STK10: variants seen among roughly 807,000 people sequenced by gnomAD.
STK10 encodes serine/threonine kinase 10, also known as serine/threonine-protein kinase 10.
In STK10, 78 loss-of-function variants were observed where a neutral mutation model predicts 113.8. The observed-to-expected ratio is 0.69, with a 90% CI of 0.57 to 0.83. The LOEUF (loss-of-function observed/expected upper bound fraction) is 0.83. Ranked by LOEUF, STK10 falls within the 40% of genes least tolerant of loss-of-function variation. The pLI is 0.00. For synonymous variants in STK10, 465 were observed against 494.7 expected (o/e 0.94, Z 0.80); for missense variants, 1,109 against 1,280.1 (o/e 0.87, Z 2.04).
Position 172,068,063 on chromosome 5 carries a change from G to C in STK10, c.1990-3251C>G, listed in dbSNP as rs944902442. On this transcript the variant is annotated intron_variant, in intron 12 of 18. Coordinates refer to ENST00000176763, the MANE Select transcript of STK10 (RefSeq NM_005990.4). ...TCCTTAAAGTGCTGAAAGAAGGGCC[G>C]GGCGCGGTGGCTCACGCCTGTAATC... is the stretch of plus-strand genomic sequence containing the variant. Among the ~76,000 whole-genome samples the C allele has an allele frequency of 2.0e-5, 3 of 152,194 alleles. No individual in the cohort carries two copies. In the South Asian group the frequency reaches 6.2e-4, roughly 31 times the overall value.
rs1769490542 is a variant in STK10, at chr5:172,120,584, T to A, written c.371-2954A>T. The stretch of plus-strand genomic sequence containing the variant: ...CAGGTGCTGCCTCTCACTAGCTGTG[T>A]GGTTACTGGCAAGTCGCCCAAGCTC... On this transcript the variant is annotated intron_variant, in intron 3 of 18. Transcript: ENST00000176763. The surrounding 1 kb of genome is among the most constrained non-coding windows in gnomAD (Gnocchi z 4.0). Among the ~76,000 whole-genome samples, 1 of 152,158 alleles carries A rather than the reference T, an allele frequency of 6.6e-6. No homozygotes were observed. Among genetic ancestry groups the A allele is most frequent in the South Asian group, 2.1e-4 (1 of 4,832 alleles).
At chr5:172,143,447 C>A (rs1193257503) in intron 2 of STK10, among the ~76,000 whole-genome samples, 1 of 152,204 alleles carries the variant, frequency 6.6e-6, no homozygotes, top group African/African-American at 2.4e-5. Context: ...AGTGACCACA[C>A]CGTGCTCTGG....
chr5:172,056,975 GAAAGAA>G (rs1359607019), intron 15 of STK10: 1 of 97,040 alleles, frequency 1.0e-5, no homozygotes, highest in African/African-American at 4.9e-5. Context: ...AAGAAAGAAA[GAAAGAA>G]AGAAAGAAAG....
intron 1 of STK10, among the ~76,000 whole-genome samples, chr5:172,171,730 T>TGAATAGAATAGAATAGAATA (rs11273930): frequency 0.024 from 3,557 of 149,098 alleles, 75 homozygotes; most frequent in African/African-American, 0.047. Context: ...TAAAATAAAA[T>TGAATAGAATAGAATAGAATA]GAATAGAATA....
intron 4 of STK10, among the ~76,000 whole-genome samples, chr5:172,109,615 G>A (rs1769190699): frequency 6.6e-6 from 1 of 152,096 alleles, no homozygotes; most frequent in East Asian, 1.9e-4. Context: ...CCAATAAGAT[G>A]TATCTTTACA....
intron 12 of STK10, among the ~76,000 whole-genome samples, chr5:172,067,690 A>G (rs1561793989): frequency 1.3e-5 from 2 of 152,066 alleles, no homozygotes; most frequent in African/African-American, 4.8e-5. Flanking sequence ...AATGTCTGAA[A>G]TTAAAATAAA....
chr5:172,080,673 T>C (rs946166163), intron 12 of STK10, among the ~76,000 whole-genome samples: 1 of 152,188 alleles, frequency 6.6e-6, no homozygotes, highest in African/African-American at 2.4e-5. Flanking sequence ...CTGTGAAGGC[T>C]GAGAGAGGTG....
At chr5:172,165,994 T>A (rs1257670321) in intron 1 of STK10, among the ~76,000 whole-genome samples, 1 of 152,118 alleles carries the variant, frequency 6.6e-6, no homozygotes, top group African/African-American at 2.4e-5. Flanking sequence ...GGTTTCTCCA[T>A]GTTGGTCAGG....
intron 8 of STK10, among the ~76,000 whole-genome samples, chr5:172,094,161 G>A (rs1768794771): frequency 6.6e-6 from 1 of 151,956 alleles, no homozygotes; most frequent in Non-Finnish European, 1.5e-5. Context: ...TTGAGGCATG[G>A]CAATCTCCTC....
intron 18 of STK10, among the ~76,000 whole-genome samples, chr5:172,046,893 ATAT>A (rs370567561): frequency 1.3e-5 from 2 of 152,198 alleles, no homozygotes; most frequent in African/African-American, 4.8e-5. Flanking sequence ...AAGGAAATAA[ATAT>A]TATCTACATT....
chr5:172,154,561 A>G (rs565991016), intron 2 of STK10, among the ~76,000 whole-genome samples: 3 of 152,222 alleles, frequency 2.0e-5, no homozygotes, highest in Non-Finnish European at 4.4e-5. Flanking sequence ...GGGGCCTTCT[A>G]CAAAGTAACA....
chr5:172,148,680 T>C (rs1237085861), intron 2 of STK10, among the ~76,000 whole-genome samples: 1 of 151,848 alleles, frequency 6.6e-6, no homozygotes, highest in Non-Finnish European at 1.5e-5. Flanking sequence ...GCCCCTCAAG[T>C]GGAAGGGTGG....
chr5:172,128,453 C>T (rs1769676852), intron 2 of STK10, among the ~76,000 whole-genome samples: 1 of 151,632 alleles, frequency 6.6e-6, no homozygotes, highest in South Asian at 2.1e-4. Context: ...GCCTCAGCCT[C>T]CTGAGTAGCT....
rs145894799 is a variant in STK10 at position 172,056,586 on chromosome 5, G to A, written c.2337+763C>T. ...AAAGAGCAAAAGAAAGACACACACC[G>A]GGCAGGCACAGTGGCTCACGCCTGT... On this transcript the variant is annotated intron_variant, in intron 15 of 18. Coordinates refer to ENST00000176763, the MANE Select transcript of STK10 (RefSeq NM_005990.4). Among the ~76,000 whole-genome samples the A allele has an allele frequency of 4.6e-5, 7 of 152,170 alleles. No homozygotes were observed. In the East Asian group the frequency reaches 7.7e-4, roughly 17 times the overall value.
Position 172,133,867 on chromosome 5 carries a change from C to G in STK10, c.322-6446G>C, listed in dbSNP as rs144976523. On this transcript the variant is annotated intron_variant, in intron 2 of 18. Coordinates refer to ENST00000176763, the MANE Select transcript of STK10 (RefSeq NM_005990.4). This position sits in a 1 kb window ranked among gnomAD's most constrained non-coding sequence, Gnocchi z 4.9. ...GCAGGAGATGATGAGTAACCACACT[C>G]TCCAGGTGGCAGACTCCAGGTTGTA... Among the ~76,000 whole-genome samples the G allele has an allele frequency of 6.6e-6, 1 of 152,338 alleles. No individual in the cohort carries two copies. Among genetic ancestry groups the G allele is most frequent in the African/African-American group, 2.4e-5 (1 of 41,586 alleles).
At chr5:172,077,541 T>G (rs889662534) in intron 12 of STK10, among the ~76,000 whole-genome samples, 1 of 152,232 alleles carries the variant, frequency 6.6e-6, no homozygotes, top group Non-Finnish European at 1.5e-5. Context: ...ACATTAATTG[T>G]ATATGCATAT....
rs76244025 is a variant in STK10 at position 172,143,042 on chromosome 5, A to G, written c.321+13582T>C. On this transcript the variant is annotated intron_variant, in intron 2 of 18. Coordinates refer to ENST00000176763, the MANE Select transcript of STK10 (RefSeq NM_005990.4). The stretch of plus-strand genomic sequence containing the variant: ...CCTGGACCACCCACAGGGTTTAGAC[A>G]TTAACTTTTACAGCGTATAGGCAGT... 1.8e-3 allele frequency among the ~76,000 whole-genome samples: 276 copies of G among 152,352 alleles called. 3 individuals are homozygous for G. The highest frequency in any genetic ancestry group is 6.3e-3 in the African/African-American group (261 of 41,582).
At chr5:172,173,633 CT>C (rs1770701817) in intron 1 of STK10, among the ~76,000 whole-genome samples, 1 of 152,168 alleles carries the variant, frequency 6.6e-6, no homozygotes, top group African/African-American at 2.4e-5. Context: ...CTTATTTTAT[CT>C]TCATAACAGA....
At chr5:172,140,533 C>A (rs997096694) in intron 2 of STK10, among the ~76,000 whole-genome samples, 2 of 152,038 alleles carry the variant, frequency 1.3e-5, no homozygotes, top group South Asian at 2.1e-4. Context: ...CTCGTCTCTA[C>A]TAAAAATACA....
Sources: gnomAD v4.1 joint callset for allele counts (sites outside exome capture counted in the v4.1 genomes callset) on GRCh38, gnomAD v4.1.1 for gene constraint, Gnocchi (gnomAD v3.1) non-coding constraint, MANE v1.5 for transcripts, NCBI Gene and HGNC (gene_info 2026-07-23, HGNC 2026-07-21) for gene names.